Variants in NAV2 observed in about 807,000 individuals in gnomAD.
NAV2 encodes helicase, APC down-regulated 1.
In NAV2, 54 loss-of-function variants were observed where a neutral mutation model predicts 223.2. The observed-to-expected ratio is 0.24, with a 90% CI of 0.19 to 0.30. NAV2 has a LOEUF of 0.30. Ranked by LOEUF, NAV2 falls within the 10% of genes least tolerant of loss-of-function variation. The pLI is 1.00. For missense variants in NAV2, 2,806 were observed against 3,147.5 expected (o/e 0.89, Z 2.60); for synonymous variants, 1,279 against 1,239.3 (o/e 1.03, Z -0.67).
At chr11:19,994,007 A>G (rs1333349019) in intron 11 of NAV2, among the ~76,000 whole-genome samples, 1 of 152,192 alleles carries the variant, frequency 6.6e-6, no homozygotes, top group Non-Finnish European at 1.5e-5. Context: ...TGATGTGCCA[A>G]GTGCTATAGA....
At chr11:19,804,090 C>A (rs1416239837) in intron 1 of NAV2, among the ~76,000 whole-genome samples, 3 of 152,156 alleles carry the variant, frequency 2.0e-5, no homozygotes, top group South Asian at 4.1e-4. Flanking sequence ...AAGAGCCAGA[C>A]CTCATGCACT....
rs375907283 is a variant in NAV2 at position 19,399,287 on chromosome 11, G to C, written c.75+48260G>C. On this transcript the variant is annotated intron_variant, in intron 1 of 37. Transcript: ENST00000360655. ...GCTGCACTCCCTGCCACCTTCAGAA[G>C]TCAGATTCTAACCTGGAGAGTCAGC... Among the ~76,000 whole-genome samples, 6 of 152,296 alleles carry C rather than the reference G, an allele frequency of 3.9e-5. No homozygotes were observed. The East Asian group carries it at 9.7e-4, about 25-fold the overall frequency.
intron 10 of NAV2, among the ~76,000 whole-genome samples, chr11:19,974,812 G>A (rs1414135174): frequency 6.6e-6 from 1 of 152,146 alleles, no homozygotes; most frequent in Non-Finnish European, 1.5e-5. Context: ...GGGAAGAGGG[G>A]ATATAAAGGA....
chr11:19,757,973 C>A (rs1370424543), intron 1 of NAV2, among the ~76,000 whole-genome samples: 1 of 152,134 alleles, frequency 6.6e-6, no homozygotes, highest in Non-Finnish European at 1.5e-5. Context: ...ATCATCATTG[C>A]CCAGTTATTG....
rs1165705710 is a variant in NAV2, at chr11:20,036,113, C to T, written c.2907+16C>T. ...GGATGTGCAGGTGAGGAACACAGGC[C>T]CTCCCAGGCTCCTCCAGCAGCCTCT... On this transcript the variant is annotated intron_variant, in intron 12 of 37. Coordinates refer to ENST00000349880, the MANE Select transcript of NAV2 (RefSeq NM_145117.5). 1.2e-6 allele frequency: 2 copies of T among 1,614,088 alleles called. No individual in the cohort carries two copies. Among genetic ancestry groups the T allele is most frequent in the Non-Finnish European group, 1.7e-6 (2 of 1,179,998 alleles).
intron 1 of NAV2, among the ~76,000 whole-genome samples, chr11:19,412,659 C>A (rs1347411806): frequency 6.6e-6 from 1 of 152,228 alleles, no homozygotes. Context: ...TTTACAGACA[C>A]CTCATACAAG....
Position 20,103,239 on chromosome 11 carries a change from T to C in NAV2, c.6418-16T>C. The C allele has an allele frequency of 6.2e-7, 1 of 1,606,044 alleles. No individual in the cohort carries two copies. On this transcript the variant is annotated splice_polypyrimidine_tract_variant and intron_variant, in intron 32 of 37. Coordinates refer to ENST00000349880, the MANE Select transcript of NAV2 (RefSeq NM_145117.5). ...TTCACCCACTTGTTCTCCTTCGGCC[T>C]TCCTGGCCACCATAGGAATTGCGCC...
chr11:19,709,546 C>CAAAAAAAAAA (rs3043492), upstream of NAV2, among the ~76,000 whole-genome samples: 4 of 63,154 alleles, frequency 6.3e-5, no homozygotes, highest in Non-Finnish European at 8.7e-5. Context: ...GACTCCGTCT[C>CAAAAAAAAAA]AAAAAAAAAA....
At chr11:19,433,588 C>T (rs1467198144) in intron 1 of NAV2, among the ~76,000 whole-genome samples, 3 of 152,212 alleles carry the variant, frequency 2.0e-5, no homozygotes, top group Non-Finnish European at 2.9e-5. Flanking sequence ...CAATTTACAT[C>T]AAAACCCCCA....
chr11:19,580,189 C>G (rs1343498435), intron 1 of NAV2, among the ~76,000 whole-genome samples: 1 of 152,088 alleles, frequency 6.6e-6, no homozygotes, highest in African/African-American at 2.4e-5. Flanking sequence ...TGTGCCTGTA[C>G]CCTCGGAGAG....
chr11:19,387,752 A>G (rs1213274578), intron 1 of NAV2, among the ~76,000 whole-genome samples: 3 of 152,176 alleles, frequency 2.0e-5, no homozygotes, highest in African/African-American at 7.2e-5. Flanking sequence ...TGTTTTCTTT[A>G]AGTCTTCCTC....
intron 1 of NAV2, among the ~76,000 whole-genome samples, chr11:19,408,884 C>T (rs1487491318): frequency 6.6e-6 from 1 of 151,798 alleles, no homozygotes; most frequent in Non-Finnish European, 1.5e-5. Flanking sequence ...ACTCGGGAGT[C>T]CCACTGGGGT....
chr11:19,424,608 G>C (rs2133533837), intron 1 of NAV2, among the ~76,000 whole-genome samples: 1 of 152,262 alleles, frequency 6.6e-6, no homozygotes, highest in East Asian at 1.9e-4. Context: ...GAATGCAGTG[G>C]CGCAATCTCA....
chr11:19,439,607 G>C (rs1224830708), intron 1 of NAV2, among the ~76,000 whole-genome samples: 1 of 152,160 alleles, frequency 6.6e-6, no homozygotes, highest in East Asian at 1.9e-4. Context: ...TATGTAATAG[G>C]CCCAACATGA....
intron 1 of NAV2, chr11:19,510,834 A>G (rs946046375): frequency 2.9e-4 from 44 of 152,334 alleles, no homozygotes; most frequent in African/African-American, 9.6e-4. Context: ...GCAGCTGTGT[A>G]GTAGGCACAC....
At chr11:19,476,965 C>T (rs1428712189) in intron 1 of NAV2, among the ~76,000 whole-genome samples, 1 of 152,144 alleles carries the variant, frequency 6.6e-6, no homozygotes, top group East Asian at 1.9e-4. Flanking sequence ...TCTTCATGGC[C>T]CCCTCAGGTG....
At chr11:19,893,862 C>T (rs1312601472) in intron 6 of NAV2, among the ~76,000 whole-genome samples, 5 of 152,118 alleles carry the variant, frequency 3.3e-5, no homozygotes, top group Non-Finnish European at 7.4e-5. Context: ...TTTTCTTCAC[C>T]GTACCAGTGT....
At chr11:20,056,933 C>A (rs966305008) in intron 19 of NAV2, among the ~76,000 whole-genome samples, 2 of 152,096 alleles carry the variant, frequency 1.3e-5, no homozygotes, top group African/African-American at 4.8e-5. Context: ...CATGTCATGG[C>A]CTGTAATAAC....
intron 1 of NAV2, among the ~76,000 whole-genome samples, chr11:19,364,180 G>A (rs1409541405): frequency 1.3e-5 from 2 of 152,132 alleles, no homozygotes; most frequent in South Asian, 4.1e-4. Context: ...TAACATAAAC[G>A]GAGGTATGCT....
Sources: allele counts gnomAD v4.1 joint callset (sites outside exome capture counted in the v4.1 genomes callset), GRCh38; gene constraint gnomAD v4.1.1; transcripts MANE v1.5; gene names NCBI Gene and HGNC (gene_info 2026-07-23, HGNC 2026-07-21).